RPS6KA1: variants seen among roughly 807,000 people sequenced by gnomAD.
RPS6KA1 encodes ribosomal protein S6 kinase A1.
A neutral mutation model predicts 91.3 loss-of-function variants in RPS6KA1; 48 were observed. That is an observed-to-expected ratio of 0.53 (90% confidence interval 0.42 to 0.67). The LOEUF (loss-of-function observed/expected upper bound fraction) is 0.67. Ranked by LOEUF, RPS6KA1 falls within the 30% of genes least tolerant of loss-of-function variation. RPS6KA1 has a pLI of 0.00. For synonymous variants in RPS6KA1, 359 were observed against 384.7 expected (o/e 0.93, Z 0.78); for missense variants, 719 against 960.5 (o/e 0.75, Z 3.32).
intron 17 of RPS6KA1, among the ~76,000 whole-genome samples, chr1:26,566,468 G>A (rs1043219726): frequency 2.7e-4 from 41 of 151,868 alleles, no homozygotes; most frequent in Non-Finnish European, 5.9e-5. Flanking sequence ...TGTATTTTTA[G>A]TAGAGACAGG....
chr1:26,548,669 C>T (rs1557497510), intron 4 of RPS6KA1, among the ~76,000 whole-genome samples: 2 of 151,858 alleles, frequency 1.3e-5, no homozygotes, highest in Non-Finnish European at 2.9e-5. Context: ...TGCTGGTATG[C>T]ACACCTATAG....
At position 26,571,874 on chromosome 1, in the gene RPS6KA1, A is replaced by G; in HGVS notation, c.1778A>G (p.Glu593Gly). ...PEVLKRQGYD[E>G]GCDIWSLGIL... is the part of the protein sequence containing the mutation. ...GTGCTGAAGCGCCAGGGCTACGATG[A>G]AGGCTGCGACATCTGGAGCCTGGGC... Residue 593 changes from glutamate (E) to glycine (G), a missense_variant, in exon 19 of 22, where the codon GAA (glutamate) becomes GGA (glycine). Glu to Gly is a moderately conservative substitution (Grantham distance 98, BLOSUM62 -2). Around this residue, in one of 5 missense-constraint regions of RPS6KA1, gnomAD observed 249 missense variants for 323.1 expected, o/e 0.77. Transcript: ENST00000374168. The surrounding 1 kb of genome is among the most constrained non-coding windows in gnomAD (Gnocchi z 5.1). 6.2e-7 allele frequency: 1 copy of G among 1,611,028 alleles called. No homozygotes were observed.
In RPS6KA1 at chr1:26,546,860, C is replaced by T; in HGVS notation, c.109-7C>T. On this transcript the variant is annotated splice_region_variant and splice_polypyrimidine_tract_variant and intron_variant, in intron 2 of 21. Transcript: ENST00000374168. ...CACCATGCCCACCAGCTCTGTCCCT[C>T]CATCAGGATGAGGGCGTCCTCAAGG... 1 of 1,612,444 alleles carries T rather than the reference C, an allele frequency of 6.2e-7. No individual in the cohort carries two copies. The highest frequency in any genetic ancestry group is 8.5e-7 in the Non-Finnish European group (1 of 1,178,638).
At chr1:26,556,248 T>G (rs2076100627) in intron 11 of RPS6KA1, 1 of 235,666 alleles carries the variant, frequency 4.2e-6, no homozygotes, top group Non-Finnish European at 8.4e-6. Context: ...TCAAGGCCCC[T>G]GGGGTCGAAT....
intron 1 of RPS6KA1, chr1:26,530,834 G>T (rs1165913147): frequency 1.6e-6 from 2 of 1,288,324 alleles, no homozygotes; most frequent in Non-Finnish European, 2.0e-6. Flanking sequence ...TGACCCCAGG[G>T]TCAAGGTCAA....
At chr1:26,542,784 G>A (rs756671577) in intron 2 of RPS6KA1, among the ~76,000 whole-genome samples, 2 of 151,792 alleles carry the variant, frequency 1.3e-5, no homozygotes, top group African/African-American at 2.4e-5. Flanking sequence ...CTGGACAGTC[G>A]GACAGTGGCC....
At position 26,554,375 on chromosome 1, in the gene RPS6KA1, CA is replaced by C; in HGVS notation, c.613+129del. ...GCCGTGCCAGTTACTTGGAAGTGGT[CA>C]AAAACTCAGGCCTCAGACTTGGAAC... On this transcript the variant is annotated intron_variant, in intron 8 of 21. Coordinates refer to ENST00000374168, the MANE Select transcript of RPS6KA1 (RefSeq NM_002953.4). The surrounding 1 kb of genome is among the most constrained non-coding windows in gnomAD (Gnocchi z 4.6). 2 of 1,203,924 alleles carry C rather than the reference CA, an allele frequency of 1.7e-6. No homozygotes were observed. The highest frequency in any genetic ancestry group is 2.3e-6 in the Non-Finnish European group (2 of 857,160). 74.6% of individuals were successfully genotyped at this position (1,203,924 alleles called of 1,614,324 possible). A position where few individuals can be genotyped will look rare whatever the true frequency, so the allele number is the denominator to read the frequency against.
intron 17 of RPS6KA1, among the ~76,000 whole-genome samples, chr1:26,565,362 G>A (rs998589163): frequency 6.6e-5 from 10 of 151,958 alleles, no homozygotes; most frequent in South Asian, 2.1e-4. Context: ...CATGAACACC[G>A]AGAAGTGTAC....
At chr1:26,533,490 G>A (rs1202861967) in intron 1 of RPS6KA1, among the ~76,000 whole-genome samples, 1 of 151,980 alleles carries the variant, frequency 6.6e-6, no homozygotes, top group Admixed American at 6.6e-5. Context: ...TGGATCACCT[G>A]AGGTCAGGAG....
rs2076126913 is a variant in RPS6KA1 at position 26,558,715 on chromosome 1, G to A, written c.1085-92G>A. 1.0e-5 allele frequency: 15 copies of A among 1,471,402 alleles called. No individual in the cohort carries two copies. The East Asian group carries it at 3.2e-4, about 32-fold the overall frequency. 91.1% of individuals were successfully genotyped at this position (1,471,402 alleles called of 1,614,324 possible). A position where few individuals can be genotyped will look rare whatever the true frequency, so the allele number is the denominator to read the frequency against. On this transcript the variant is annotated intron_variant, in intron 13 of 21. Coordinates refer to ENST00000374168, the MANE Select transcript of RPS6KA1 (RefSeq NM_002953.4). This position sits in a 1 kb window ranked among gnomAD's most constrained non-coding sequence, Gnocchi z 4.0. Reference sequence around the variant, plus strand: ...CCGCCACGGCCAGCCCCTGAGGCAGGTCTGGAGGCCCTGTGCTCCCCCTTT... The same window carrying A: ...CCGCCACGGCCAGCCCCTGAGGCAGATCTGGAGGCCCTGTGCTCCCCCTTT...
intron 6 of RPS6KA1, chr1:26,552,936 T>A: frequency 3.0e-6 from 1 of 328,972 alleles, no homozygotes; most frequent in Non-Finnish European, 6.0e-6. Context: ...CTTTCCCATG[T>A]TTCTTTTGCA....
chr1:26,571,611 G>C lies in RPS6KA1; in HGVS notation c.1752+1G>C. 1 of 1,613,966 alleles carries C rather than the reference G, an allele frequency of 6.2e-7. No homozygotes were observed. Among genetic ancestry groups the C allele is most frequent in the Non-Finnish European group, 8.5e-7 (1 of 1,179,960 alleles). On this transcript the variant is annotated splice_donor_variant, in intron 18 of 21. Transcript: ENST00000374168. LOFTEE classifies it high-confidence loss of function. This position sits in a 1 kb window ranked among gnomAD's most constrained non-coding sequence, Gnocchi z 5.1. ...CACAGCCAACTTTGTGGCGCCTGAG[G>C]TGAGTGGCCCAGCCTCCTCAGCTGT...
rs529853728 is a variant in RPS6KA1, at chr1:26,555,671, G to A, written c.916+46G>A. 19 of 1,529,504 alleles carry A rather than the reference G, an allele frequency of 1.2e-5. No homozygotes were observed. In the African/African-American group the frequency reaches 1.5e-4, roughly 12 times the overall value. The allele number at this position is 1,529,504 out of a possible 1,614,324, so 94.7% of individuals were successfully genotyped here. ...GGAGGGGATGTGGCGATGGGGAGCC[G>A]GGTACAGCTGCAGCCTAGGCCACAG... On this transcript the variant is annotated intron_variant, in intron 11 of 21. Coordinates refer to ENST00000374168, the MANE Select transcript of RPS6KA1 (RefSeq NM_002953.4). This position sits in a 1 kb window ranked among gnomAD's most constrained non-coding sequence, Gnocchi z 4.3.
At chr1:26,573,503 C>T (rs1011088178) in intron 21 of RPS6KA1, 142 bp downstream of exon 21, 3 of 965,120 alleles carry the variant, frequency 3.1e-6, no homozygotes, top group Non-Finnish European at 4.7e-6. Context: ...ACAGCCCTGC[C>T]GTCAGGGAGC....
At chr1:26,533,395 C>T (rs963970463) in intron 1 of RPS6KA1, among the ~76,000 whole-genome samples, 4 of 152,046 alleles carry the variant, frequency 2.6e-5, no homozygotes, top group Non-Finnish European at 4.4e-5. Context: ...TGCGCCTGGC[C>T]GAAACTGAGA....
In RPS6KA1 at chr1:26,571,478, C is replaced by T; in HGVS notation, c.1620C>T (p.Asn540=). ...GVVHRDLKPS[N]ILYVDESGNP... is the part of the protein sequence containing the mutation. ...TGCACAGGGACCTGAAGCCCAGCAACATCCTGTATGTGGACGAGTCCGGGA... is the reference window on the plus strand; with the variant it reads ...TGCACAGGGACCTGAAGCCCAGCAATATCCTGTATGTGGACGAGTCCGGGA... The change falls in exon 18 of 22, where the codon AAC becomes AAT. Residue 540 remains asparagine, a synonymous_variant. Coordinates refer to ENST00000374168, the MANE Select transcript of RPS6KA1 (RefSeq NM_002953.4). The surrounding 1 kb of genome is among the most constrained non-coding windows in gnomAD (Gnocchi z 5.1). The T allele has an allele frequency of 6.2e-7, 1 of 1,614,202 alleles. No homozygotes were observed. The highest frequency in any genetic ancestry group is 8.5e-7 in the Non-Finnish European group (1 of 1,180,042).
chr1:26,544,944 G>C (rs576767419), intron 2 of RPS6KA1, among the ~76,000 whole-genome samples: 9 of 152,158 alleles, frequency 5.9e-5, no homozygotes, highest in Admixed American at 2.0e-4. Flanking sequence ...TTGGGCTTGT[G>C]TCCCTATCTG....
Position 26,549,320 on chromosome 1 carries a change from CAG to C in RPS6KA1, c.307+2051_307+2052del, listed in dbSNP as rs539827438. Among the ~76,000 whole-genome samples, 21 of 151,948 alleles carry C rather than the reference CAG, an allele frequency of 1.4e-4. No homozygotes were observed. In the East Asian group the frequency reaches 4.1e-3, roughly 29 times the overall value. ...GTGCGGTGGCTCATGCCTGTAATCC[CAG>C]CACTTTGGGAGGCCAAGGTGGGTGG... On this transcript the variant is annotated intron_variant, in intron 4 of 21. Transcript: ENST00000374168.
chr1:26,556,532 G>A, intron 11 of RPS6KA1, 122 bp from the exon 12 acceptor site: 1 of 962,772 alleles, frequency 1.0e-6, no homozygotes, highest in Non-Finnish European at 1.7e-6. Context: ...GAGGCTGAGT[G>A]AGCCCATTTT....
Sources: gnomAD v4.1 joint callset for allele counts (sites outside exome capture counted in the v4.1 genomes callset) on GRCh38, gnomAD v4.1.1 for gene constraint, gnomAD v4.1.1 regional missense constraint, Gnocchi (gnomAD v3.1) non-coding constraint, MANE v1.5 for transcripts, NCBI Gene and HGNC (gene_info 2026-07-23, HGNC 2026-07-21) for gene names.